Variants in BCL2 observed in about 807,000 individuals in gnomAD.
BCL2 encodes apoptosis regulator Bcl-2.
A neutral mutation model predicts 14.2 loss-of-function variants in BCL2; 1 was observed. The ratio of observed to expected loss-of-function variants is 0.07; its 90% CI spans 0.02 to 0.33. The LOEUF (loss-of-function observed/expected upper bound fraction) is 0.33. Among genes scored for constraint, BCL2 ranks in the 10% least tolerant of loss-of-function variants. The pLI is 0.99. For missense variants in BCL2, 247 were observed against 305.9 expected (o/e 0.81, Z 1.44); for synonymous variants, 151 against 137.2 (o/e 1.10, Z -0.70).
At position 63,195,517 on chromosome 18, in the gene BCL2, C is replaced by A. The variant is rs375341017; in HGVS notation, c.586-66758G>T. The stretch of plus-strand genomic sequence containing the variant: ...CTTGCAAGGTCCAAAAATCTTGAAC[C>A]ATGAAAGTGAAAGAAGGAGCTTTAT... On this transcript the variant is annotated intron_variant, in intron 2 of 2. Transcript: ENST00000333681. Among the ~76,000 whole-genome samples, 11 of 152,278 alleles carry A rather than the reference C, an allele frequency of 7.2e-5. No individual in the cohort carries two copies. In the East Asian group the frequency reaches 1.9e-3, roughly 27 times the overall value.
chr18:63,200,688 T>C (rs1909665822), intron 2 of BCL2, among the ~76,000 whole-genome samples: 1 of 152,182 alleles, frequency 6.6e-6, no homozygotes, highest in Non-Finnish European at 1.5e-5. Flanking sequence ...AGTGCAATGG[T>C]GCAACATAGC....
At chr18:63,133,551 G>A (rs1914129239) in intron 2 of BCL2, among the ~76,000 whole-genome samples, 1 of 152,078 alleles carries the variant, frequency 6.6e-6, no homozygotes, top group South Asian at 2.1e-4. Flanking sequence ...GCCTCCCAAA[G>A]TGCTGGGATT....
intron 2 of BCL2, among the ~76,000 whole-genome samples, chr18:63,137,182 A>G (rs531611349): frequency 5.9e-5 from 9 of 152,150 alleles, no homozygotes; most frequent in Non-Finnish European, 1.3e-4. Flanking sequence ...TGTCACTCTT[A>G]AGTCAACTTT....
intron 2 of BCL2, among the ~76,000 whole-genome samples, chr18:63,206,010 A>G (rs114714148): frequency 1.1e-3 from 167 of 152,260 alleles, no homozygotes; most frequent in African/African-American, 3.9e-3. Context: ...ACTTCCTTTG[A>G]ACTTGTACCT....
chr18:63,156,865 C>A (rs568077360), intron 2 of BCL2, among the ~76,000 whole-genome samples: 1 of 152,110 alleles, frequency 6.6e-6, no homozygotes, highest in African/African-American at 2.4e-5. Flanking sequence ...GCCCAGGAGG[C>A]GTCTCTCTGG....
At chr18:63,222,832 G>A (rs1170322119) in intron 2 of BCL2, among the ~76,000 whole-genome samples, 1 of 152,204 alleles carries the variant, frequency 6.6e-6, no homozygotes, top group Non-Finnish European at 1.5e-5. Flanking sequence ...AATACCTTTT[G>A]ATCTCTGGCA....
intron 2 of BCL2, among the ~76,000 whole-genome samples, chr18:63,287,822 G>T (rs1247967148): frequency 3.3e-5 from 5 of 152,142 alleles, no homozygotes; most frequent in Non-Finnish European, 5.9e-5. Flanking sequence ...TTAGAAGCAG[G>T]ATTCAGATAT....
intron 2 of BCL2, among the ~76,000 whole-genome samples, chr18:63,167,907 C>T (rs540855881): frequency 6.7e-6 from 1 of 148,632 alleles, no homozygotes; most frequent in African/African-American, 2.5e-5. Flanking sequence ...GCCTGGGTGA[C>T]AGAGTGAGAC....
At position 63,126,213 on chromosome 18, in the gene BCL2, C is replaced by A; in HGVS notation, c.*2412G>T. The A allele has an allele frequency of 4.6e-6, 1 of 217,328 alleles. No individual in the cohort carries two copies. Among genetic ancestry groups the A allele is most frequent in the Non-Finnish European group, 9.3e-6 (1 of 107,704 alleles). 13.5% of individuals were successfully genotyped at this position (217,328 alleles called of 1,614,324 possible). A position where few individuals can be genotyped will look rare whatever the true frequency, so the allele number is the denominator to read the frequency against. ...GATCATTCTGTTCCCTGAGGCCCGC[C>A]GGGGAGGTCTGGCTTCATACCACAG... On this transcript the variant is annotated 3_prime_UTR_variant, in exon 3 of 3. Transcript: ENST00000333681.
At chr18:63,249,213 C>G (rs1358502340) in intron 2 of BCL2, among the ~76,000 whole-genome samples, 1 of 152,176 alleles carries the variant, frequency 6.6e-6, no homozygotes, top group Non-Finnish European at 1.5e-5. Flanking sequence ...AACATTACCT[C>G]AAAATAGTTT....
rs1034179173 is a variant in BCL2 at position 63,149,342 on chromosome 18, G to A, written c.586-20583C>T. Among the ~76,000 whole-genome samples the A allele has an allele frequency of 6.6e-6, 1 of 152,198 alleles. No homozygotes were observed. Among genetic ancestry groups the A allele is most frequent in the African/African-American group, 2.4e-5 (1 of 41,446 alleles). ...TGCACTCCTAGGAAAACCTAATGTCGCCACTGATCTGACAGGAGCCGGAGC... is the reference window on the plus strand; with the variant it reads ...TGCACTCCTAGGAAAACCTAATGTCACCACTGATCTGACAGGAGCCGGAGC... On this transcript the variant is annotated intron_variant, in intron 2 of 2. Transcript: ENST00000333681. This position sits in a 1 kb window ranked among gnomAD's most constrained non-coding sequence, Gnocchi z 4.2.
At chr18:63,304,546 A>G (rs910115758) in intron 2 of BCL2, among the ~76,000 whole-genome samples, 2 of 152,192 alleles carry the variant, frequency 1.3e-5, no homozygotes, top group African/African-American at 2.4e-5. Flanking sequence ...GGACTTCTTC[A>G]TATTTATTAG....
chr18:63,181,542 C>T lies in BCL2; in HGVS notation c.586-52783G>A, dbSNP rs149170104. Among the ~76,000 whole-genome samples the T allele has an allele frequency of 5.1e-3, 772 of 152,274 alleles. 8 individuals carry two copies. Among genetic ancestry groups the T allele is most frequent in the African/African-American group, 0.018 (739 of 41,546 alleles). On this transcript the variant is annotated intron_variant, in intron 2 of 2. Coordinates refer to ENST00000333681, the MANE Select transcript of BCL2 (RefSeq NM_000633.3). ...GACCTCTGTGTTTCTTTTTAGCTCT[C>T]CTAAAACAACATTTCAGAACCACTG...
chr18:63,162,951 A>C (rs60803287), intron 2 of BCL2, among the ~76,000 whole-genome samples: 43,971 of 152,018 alleles, frequency 0.29, 8,851 homozygotes, highest in African/African-American at 0.54. Flanking sequence ...AATTCCCAGG[A>C]TCAAGTGATC....
chr18:63,138,959 G>C (rs1599202810), intron 2 of BCL2, among the ~76,000 whole-genome samples: 1 of 152,344 alleles, frequency 6.6e-6, no homozygotes, highest in East Asian at 1.9e-4. Context: ...TTCACAGTTT[G>C]AAAATAATGT....
At chr18:63,224,964 C>T (rs1910503794) in intron 2 of BCL2, among the ~76,000 whole-genome samples, 1 of 151,872 alleles carries the variant, frequency 6.6e-6, no homozygotes, top group South Asian at 2.1e-4. Flanking sequence ...GAAGACAAAT[C>T]TCAGGATGTC....
intron 2 of BCL2, among the ~76,000 whole-genome samples, chr18:63,168,170 C>T (rs1915092235): frequency 6.6e-6 from 1 of 152,200 alleles, no homozygotes; most frequent in Non-Finnish European, 1.5e-5. Context: ...GCCCATGCCT[C>T]CTTGTTCCAT....
intron 2 of BCL2, among the ~76,000 whole-genome samples, chr18:63,146,780 G>A (rs1352504334): frequency 6.6e-6 from 1 of 152,038 alleles, no homozygotes; most frequent in African/African-American, 2.4e-5. Flanking sequence ...AAAGTATTAG[G>A]ATCACGCCTG....
At chr18:63,169,343 T>TTCTC (rs1364602426) in intron 2 of BCL2, among the ~76,000 whole-genome samples, 1 of 54,462 alleles carries the variant, frequency 1.8e-5, no homozygotes, top group Non-Finnish European at 3.3e-5. Context: ...CTTCCTTTCT[T>TTCTC]TCTTTCTTTC....
Sources: allele counts gnomAD v4.1 joint callset (sites outside exome capture counted in the v4.1 genomes callset), GRCh38; gene constraint gnomAD v4.1.1; non-coding constraint Gnocchi (gnomAD v3.1); transcripts MANE v1.5; gene names NCBI Gene and HGNC (gene_info 2026-07-23, HGNC 2026-07-21).